MTFMT: variants seen among roughly 807,000 people sequenced by gnomAD.
MTFMT encodes the protein mitochondrial methionyl-tRNA formyltransferase.
MTFMT carries 47 observed loss-of-function variants against 51.8 expected under a neutral mutation model. That is an observed-to-expected ratio of 0.91 (90% confidence interval 0.72 to 1.16). The LOEUF (loss-of-function observed/expected upper bound fraction) is 1.16, where lower values mean the gene tolerates loss of function less well. Ranked by LOEUF, MTFMT falls within the 50% of genes most tolerant of loss-of-function variation. The pLI is 0.00. For missense variants in MTFMT, 512 were observed against 482.3 expected, an observed-to-expected ratio of 1.06 and a Z score of -0.58; for synonymous variants, 196 against 176.7, an observed-to-expected ratio of 1.11 and a Z score of -0.87.
intron 8 of MTFMT, among the ~76,000 whole-genome samples, chr15:65,003,615 G>C (rs1394351431): frequency 6.6e-6 from 1 of 152,100 alleles, no homozygotes; most frequent in Non-Finnish European, 1.5e-5. Flanking sequence ...CCAGCACTTT[G>C]GGAGGCCGAG....
chr15:65,022,786 C>T (rs1467381643), intron 3 of MTFMT, among the ~76,000 whole-genome samples: 1 of 151,450 alleles, frequency 6.6e-6, no homozygotes, highest in African/African-American at 2.4e-5. Flanking sequence ...GCCTCACTGC[C>T]GCCTCAACCT....
chr15:65,014,075 G>A (rs929682771), intron 6 of MTFMT, among the ~76,000 whole-genome samples: 1 of 151,964 alleles, frequency 6.6e-6, no homozygotes, highest in Non-Finnish European at 1.5e-5. Context: ...CTATATTCAG[G>A]GATATCAGTC....
At chr15:65,004,710 C>T in intron 8 of MTFMT, 144 bp downstream of exon 8, 2 of 447,368 alleles carry the variant, frequency 4.5e-6, no homozygotes, top group East Asian at 3.6e-5. Flanking sequence ...CTAGAGACTT[C>T]ACTATTTCTT....
chr15:65,029,208 G>T, intron 1 of MTFMT, 197 bp downstream of exon 1: 1 of 926,500 alleles, frequency 1.1e-6, no homozygotes, highest in Non-Finnish European at 1.3e-6. Context: ...GGCGCAGACC[G>T]CAGGTACTAG....
intron 6 of MTFMT, among the ~76,000 whole-genome samples, chr15:65,011,000 C>T (rs988829739): frequency 6.6e-6 from 1 of 152,108 alleles, no homozygotes; most frequent in Admixed American, 6.6e-5. Flanking sequence ...GCTTACTGGC[C>T]ATTCATATTA....
intron 6 of MTFMT, among the ~76,000 whole-genome samples, chr15:65,007,546 G>GGCTTAC (rs1272101645): frequency 3.9e-5 from 6 of 152,030 alleles, no homozygotes; most frequent in Non-Finnish European, 4.4e-5. Context: ...TATCTTTGAG[G>GGCTTAC]GCTTACACAT....
intron 6 of MTFMT, among the ~76,000 whole-genome samples, chr15:65,013,366 C>T (rs2086286701): frequency 6.6e-6 from 1 of 151,378 alleles, no homozygotes; most frequent in African/African-American, 2.4e-5. Context: ...TCCTCCCGCT[C>T]AGCCTCCAAA....
At chr15:65,027,995 C>G (rs1011504474) in intron 1 of MTFMT, among the ~76,000 whole-genome samples, 1 of 152,182 alleles carries the variant, frequency 6.6e-6, no homozygotes, top group Non-Finnish European at 1.5e-5. Context: ...GCATAGCATT[C>G]TAGTACCCAG....
At position 65,023,874 on chromosome 15, in the gene MTFMT, T is replaced by C. The variant is rs796597185; in HGVS notation, c.420-80A>G. On this transcript the variant is annotated intron_variant, in intron 2 of 8. Transcript: ENST00000220058. Reference sequence around the variant, plus strand: ...CACTACCTAAGCTATTATGCTACTTTTCATTAGGAAACTTTCCCAGAAATT... The same window carrying C: ...CACTACCTAAGCTATTATGCTACTTCTCATTAGGAAACTTTCCCAGAAATT... 3.3e-5 allele frequency: 42 copies of C among 1,271,014 alleles called. No homozygotes were observed. In the African/African-American group the frequency reaches 5.2e-4, roughly 16 times the overall value. 78.7% of individuals were successfully genotyped at this position (1,271,014 alleles called of 1,614,324 possible).
chr15:65,018,100 T>C (rs1204874328), intron 5 of MTFMT, among the ~76,000 whole-genome samples: 1 of 151,624 alleles, frequency 6.6e-6, no homozygotes, highest in Non-Finnish European at 1.5e-5. Flanking sequence ...TTTTGAACCA[T>C]GTAAATATTT....
chr15:65,027,908 AAAAC>A (rs2086440653), intron 1 of MTFMT, among the ~76,000 whole-genome samples: 1 of 152,228 alleles, frequency 6.6e-6, no homozygotes, highest in Non-Finnish European at 1.5e-5. Context: ...TACTTTTTAA[AAAAC>A]AAACAAAAAT....
chr15:65,023,936 C>A (rs2086397753), intron 2 of MTFMT, 142 bp from the exon 3 acceptor site: 1 of 652,728 alleles, frequency 1.5e-6, no homozygotes, highest in Non-Finnish European at 2.4e-6. Flanking sequence ...TCTCGTATCA[C>A]CTGAAAGGAA....
At chr15:65,012,419 A>G (rs1270422356) in intron 6 of MTFMT, among the ~76,000 whole-genome samples, 1 of 151,946 alleles carries the variant, frequency 6.6e-6, no homozygotes, top group East Asian at 1.9e-4. Flanking sequence ...AATTTGAGAC[A>G]GAGTCTCACT....
chr15:65,021,081 G>A (rs969508782), intron 4 of MTFMT, among the ~76,000 whole-genome samples: 1 of 152,178 alleles, frequency 6.6e-6, no homozygotes, highest in Admixed American at 6.5e-5. Flanking sequence ...GAAAAAAGAA[G>A]GATCATCTAT....
intron 4 of MTFMT, 144 bp downstream of exon 4, chr15:65,021,370 G>A (rs1255804630): frequency 1.3e-5 from 8 of 627,060 alleles, no homozygotes; most frequent in Non-Finnish European, 2.0e-5. Context: ...ACAAATGCCA[G>A]GCTAATTTTT....
intron 4 of MTFMT, among the ~76,000 whole-genome samples, chr15:65,020,613 T>TATA (rs1245081706): frequency 6.6e-6 from 1 of 152,170 alleles, no homozygotes; most frequent in African/African-American, 2.4e-5. Flanking sequence ...CGGGCTTGGC[T>TATA]ATACACACTC....
At chr15:65,020,522 T>C (rs930138273) in intron 4 of MTFMT, among the ~76,000 whole-genome samples, 9 of 152,226 alleles carry the variant, frequency 5.9e-5, no homozygotes, top group Non-Finnish European at 1.2e-4. Flanking sequence ...GAAACCTCAG[T>C]AGAGATTCTG....
intron 3 of MTFMT, 148 bp downstream of exon 3, chr15:65,023,524 G>C: frequency 1.5e-6 from 1 of 647,410 alleles, no homozygotes; most frequent in Non-Finnish European, 2.6e-6. Flanking sequence ...TAGAAACCAG[G>C]AGAAAACAGA....
chr15:65,016,782 CTTT>C (rs35437034), intron 5 of MTFMT, among the ~76,000 whole-genome samples: 15 of 141,628 alleles, frequency 1.1e-4, no homozygotes, highest in Admixed American at 1.4e-4. Flanking sequence ...ACTATTCAAA[CTTT>C]TTTTTTTTTT....
Sources: allele counts gnomAD v4.1 joint callset (sites outside exome capture counted in the v4.1 genomes callset), GRCh38; gene constraint gnomAD v4.1.1; transcripts MANE v1.5; gene names NCBI Gene and HGNC (gene_info 2026-07-23, HGNC 2026-07-21).